Variants in TTC7B observed in about 807,000 individuals in gnomAD.
TTC7B encodes tetratricopeptide repeat domain 7B.
A neutral mutation model predicts 106.8 loss-of-function variants in TTC7B; 28 were observed. The ratio of observed to expected loss-of-function variants is 0.26; its 90% CI spans 0.19 to 0.36. The LOEUF (loss-of-function observed/expected upper bound fraction) is 0.36, where lower values mean the gene tolerates loss of function less well. TTC7B is among the 10% of genes least tolerant of loss of function. The pLI, the probability that TTC7B is intolerant of heterozygous loss-of-function variation, is 1.00. For synonymous variants in TTC7B, 405 were observed against 430.6 expected, an observed-to-expected ratio of 0.94 and a Z score of 0.74; for missense variants, 862 against 1,076.4, an observed-to-expected ratio of 0.80 and a Z score of 2.79.
At chr14:90,788,506 C>A (rs960896347) in intron 1 of TTC7B, among the ~76,000 whole-genome samples, 1 of 151,974 alleles carries the variant, frequency 6.6e-6, no homozygotes, top group South Asian at 2.1e-4. Context: ...ATCATATATC[C>A]GAAATTGGGA....
intron 3 of TTC7B, among the ~76,000 whole-genome samples, chr14:90,770,320 A>G (rs1474149575): frequency 2.0e-5 from 3 of 152,250 alleles, no homozygotes; most frequent in Non-Finnish European, 4.4e-5. Context: ...AGAGAATTCT[A>G]TAATAGTAGT....
rs1748107423 is a variant in TTC7B at position 90,537,565 on chromosome 14, T to A, written c.*3803A>T. The A allele has an allele frequency of 6.6e-6, 1 of 152,304 alleles. No homozygotes were observed. The highest frequency in any genetic ancestry group is 2.1e-4 in the South Asian group (1 of 4,830). The allele number at this position is 152,304 out of a possible 1,614,324, so 9.4% of individuals were successfully genotyped here. A position where few individuals can be genotyped will look rare whatever the true frequency, so the allele number is the denominator to read the frequency against. On this transcript the variant is annotated 3_prime_UTR_variant, in exon 20 of 20. Transcript: ENST00000328459. ...CATGGTCCACGAGGCCGCACCTGTGTGGCCCCTGTTAAACTTCTGACCTCT... is the reference window on the plus strand; with the variant it reads ...CATGGTCCACGAGGCCGCACCTGTGAGGCCCCTGTTAAACTTCTGACCTCT...
intron 3 of TTC7B, among the ~76,000 whole-genome samples, chr14:90,770,031 T>C (rs1400653904): frequency 1.3e-5 from 2 of 152,076 alleles, no homozygotes; most frequent in Non-Finnish European, 2.9e-5. Flanking sequence ...ACATCTGTAG[T>C]TCCAGCTACT....
At chr14:90,767,386 A>G (rs1163550063) in intron 3 of TTC7B, among the ~76,000 whole-genome samples, 1 of 152,220 alleles carries the variant, frequency 6.6e-6, no homozygotes, top group Non-Finnish European at 1.5e-5. Context: ...CATTAAAAGG[A>G]TGTACTCAAG....
At chr14:90,614,098 A>G (rs1425532583) in intron 16 of TTC7B, among the ~76,000 whole-genome samples, 3 of 152,116 alleles carry the variant, frequency 2.0e-5, no homozygotes, top group Non-Finnish European at 4.4e-5. Flanking sequence ...CACCTAAAAG[A>G]AGGGCCTCGG....
Position 90,541,374 on chromosome 14 carries a change from C to T in TTC7B, c.2526G>A (p.Val842=). Residue 842 remains valine (V), a synonymous_variant, in exon 20 of 20, where the codon GTG becomes GTA. Coordinates refer to ENST00000328459, the MANE Select transcript of TTC7B (RefSeq NM_001010854.2). Reference sequence around the variant, plus strand: ...GAGGCTGGCAGGCGCCTGCTCAGAGCACGCGGGGGATGATGGTGAAGGGCA... The same window carrying T: ...GAGGCTGGCAGGCGCCTGCTCAGAGTACGCGGGGGATGATGGTGAAGGGCA... The part of the protein sequence containing the change: ...PAVPFTIIPR[V]L 1 of 1,601,246 alleles carries T rather than the reference C, an allele frequency of 6.2e-7. No homozygotes were observed. Among genetic ancestry groups the T allele is most frequent in the Non-Finnish European group, 8.5e-7 (1 of 1,174,450 alleles).
chr14:90,612,351 T>A (rs1467492160), intron 16 of TTC7B, among the ~76,000 whole-genome samples: 1 of 152,220 alleles, frequency 6.6e-6, no homozygotes, highest in Non-Finnish European at 1.5e-5. Context: ...ATTTTTCACA[T>A]AAATACTACT....
chr14:90,578,761 C>G lies in TTC7B; in HGVS notation c.2108-453G>C, dbSNP rs1180617488. On this transcript the variant is annotated intron_variant, in intron 18 of 19. Transcript: ENST00000328459. The surrounding 1 kb of genome is among the most constrained non-coding windows in gnomAD (Gnocchi z 4.7). ...ACGGCTCTGCCCTCTGACCCACTCT[C>G]CTGATGCCAAGAAGTATGATGGGGC... Among the ~76,000 whole-genome samples, 1 of 152,088 alleles carries G rather than the reference C, an allele frequency of 6.6e-6. No homozygotes were observed. Among genetic ancestry groups the G allele is most frequent in the African/African-American group, 2.4e-5 (1 of 41,426 alleles).
In TTC7B at chr14:90,540,354, G is replaced by A. The variant is rs1889531718; in HGVS notation, c.*1014C>T. On this transcript the variant is annotated 3_prime_UTR_variant, in exon 20 of 20. Transcript: ENST00000328459. Reference sequence around the variant, plus strand: ...GAGGTGGGAGGATCACCTGAACCTGGGAAGTCGAGGCTGCAGTGATCTGTG... The same window carrying A: ...GAGGTGGGAGGATCACCTGAACCTGAGAAGTCGAGGCTGCAGTGATCTGTG... 6.6e-6 allele frequency: 1 copy of A among 152,214 alleles called. No homozygotes were observed. The highest frequency in any genetic ancestry group is 2.4e-5 in the African/African-American group (1 of 41,448). 9.4% of individuals were successfully genotyped at this position (152,214 alleles called of 1,614,324 possible). A position where few individuals can be genotyped will look rare whatever the true frequency, so the allele number is the denominator to read the frequency against.
At chr14:90,728,177 A>C (rs1280666816) in intron 5 of TTC7B, among the ~76,000 whole-genome samples, 1 of 151,948 alleles carries the variant, frequency 6.6e-6, no homozygotes, top group African/African-American at 2.4e-5. Flanking sequence ...ACCAGCAGGG[A>C]CTGCAGCTAA....
At chr14:90,559,378 C>T (rs935038673) in intron 19 of TTC7B, among the ~76,000 whole-genome samples, 8 of 152,350 alleles carry the variant, frequency 5.3e-5, no homozygotes, top group African/African-American at 1.4e-4. Context: ...AATGCAGTGG[C>T]GGTTCTGTGC....
At chr14:90,726,936 G>C (rs1889125763) in intron 5 of TTC7B, among the ~76,000 whole-genome samples, 1 of 152,156 alleles carries the variant, frequency 6.6e-6, no homozygotes, top group African/African-American at 2.4e-5. Flanking sequence ...TCGGGACTGG[G>C]AGGTGGAGGA....
In TTC7B at chr14:90,802,165, G is replaced by A. The variant is rs902229633; in HGVS notation, c.121+14010C>T. On this transcript the variant is annotated intron_variant, in intron 1 of 19. Transcript: ENST00000328459. This position sits in a 1 kb window ranked among gnomAD's most constrained non-coding sequence, Gnocchi z 4.7. ...CTGGCAGCACACGGGCCACATCAGA[G>A]GGCAGCCTCGACGTGAGGCATCTCA... 6.6e-6 allele frequency among the ~76,000 whole-genome samples: 1 copy of A among 152,164 alleles called. No individual in the cohort carries two copies. The highest frequency in any genetic ancestry group is 1.5e-5 in the Non-Finnish European group (1 of 68,036).
At position 90,767,429 on chromosome 14, in the gene TTC7B, A is replaced by C. The variant is rs138810747; in HGVS notation, c.445+13309T>G. Reference sequence around the variant, plus strand: ...CCCCATTGCAACAGTGTTGGGAGGTAGGGCCTAATGAGAGGTGACCATACC... The same window carrying C: ...CCCCATTGCAACAGTGTTGGGAGGTCGGGCCTAATGAGAGGTGACCATACC... On this transcript the variant is annotated intron_variant, in intron 3 of 19. Coordinates refer to ENST00000328459, the MANE Select transcript of TTC7B (RefSeq NM_001010854.2). 2.5e-4 allele frequency among the ~76,000 whole-genome samples: 38 copies of C among 152,320 alleles called. 1 individual carries two copies. The highest frequency in any genetic ancestry group is 8.7e-4 in the African/African-American group (36 of 41,570).
At chr14:90,734,373 T>C (rs1889437731) in intron 4 of TTC7B, among the ~76,000 whole-genome samples, 1 of 150,922 alleles carries the variant, frequency 6.6e-6, no homozygotes, top group Non-Finnish European at 1.5e-5. Flanking sequence ...TGAGCCAAGA[T>C]TGCGCCACTG....
intron 15 of TTC7B, among the ~76,000 whole-genome samples, chr14:90,618,883 A>G (rs1180144225): frequency 6.6e-6 from 1 of 152,138 alleles, no homozygotes; most frequent in Non-Finnish European, 1.5e-5. Context: ...GCTCTCACAC[A>G]TCTTATTATA....
chr14:90,641,086 C>T (rs932721425), intron 15 of TTC7B, among the ~76,000 whole-genome samples: 1 of 152,182 alleles, frequency 6.6e-6, no homozygotes, highest in Non-Finnish European at 1.5e-5. Context: ...CGGTTAGAAA[C>T]ATCTTCTCAA....
intron 17 of TTC7B, chr14:90,603,183 A>G: frequency 9.4e-7 from 1 of 1,067,178 alleles, no homozygotes; most frequent in Non-Finnish European, 1.3e-6. Context: ...ACCACAATGC[A>G]CATTCCGTGG....
rs1222142067 is a variant in TTC7B at position 90,535,926 on chromosome 14, G to A, written c.*5442C>T. 3 of 152,426 alleles carry A rather than the reference G, an allele frequency of 2.0e-5. No homozygotes were observed. The East Asian group carries it at 5.8e-4, about 29-fold the overall frequency. 9.4% of individuals were successfully genotyped at this position (152,426 alleles called of 1,614,324 possible). A position where few individuals can be genotyped will look rare whatever the true frequency, so the allele number is the denominator to read the frequency against. The stretch of plus-strand genomic sequence containing the variant: ...CTTGCACTTTAGAGTTTCTTCTGGT[G>A]AGGACGCCAATCCTACTGGGCCAGG... On this transcript the variant is annotated 3_prime_UTR_variant, in exon 20 of 20. Transcript: ENST00000328459.
Sources: gnomAD v4.1 joint callset for allele counts (sites outside exome capture counted in the v4.1 genomes callset) on GRCh38, gnomAD v4.1.1 for gene constraint, Gnocchi (gnomAD v3.1) non-coding constraint, MANE v1.5 for transcripts, NCBI Gene and HGNC (gene_info 2026-07-23, HGNC 2026-07-21) for gene names.